Variants in SBF2 observed in about 807,000 individuals in gnomAD.
SBF2 encodes the protein myotubularin-related protein 13.
Under a neutral mutation model 225.2 loss-of-function variants are expected in SBF2, and 112 were observed. The observed-to-expected ratio is 0.50, with a 90% CI of 0.43 to 0.58. The LOEUF is 0.58. SBF2 is among the 20% of genes least tolerant of loss of function. SBF2 has a pLI of 0.00. For missense variants in SBF2, 1,996 were observed against 2,206.2 expected, an observed-to-expected ratio of 0.90 and a Z score of 1.91; for synonymous variants, 763 against 773.3, an observed-to-expected ratio of 0.99 and a Z score of 0.22.
intron 29 of SBF2, among the ~76,000 whole-genome samples, chr11:9,816,355 T>C (rs946754996): frequency 6.6e-6 from 1 of 152,192 alleles, no homozygotes; most frequent in Non-Finnish European, 1.5e-5. Context: ...TTTTAACAAG[T>C]GTTACTCAGA....
Position 9,848,032 on chromosome 11 carries a change from G to A in SBF2, c.2807-949C>T, listed in dbSNP as rs557860895. Among the ~76,000 whole-genome samples, 39 of 149,452 alleles carry A rather than the reference G, an allele frequency of 2.6e-4. 1 individual carries two copies. The East Asian group carries it at 4.1e-3, about 16-fold the overall frequency. On this transcript the variant is annotated intron_variant, in intron 22 of 39. Transcript: ENST00000256190. Reference sequence around the variant, plus strand: ...GAAAGGAAGAGCATTTTAGGCAGTGGTAGAGGAACATAACAGGAGTGGCAA... The same window carrying A: ...GAAAGGAAGAGCATTTTAGGCAGTGATAGAGGAACATAACAGGAGTGGCAA...
chr11:9,833,421 A>ATT (rs371039800), intron 26 of SBF2, among the ~76,000 whole-genome samples: 3,138 of 134,024 alleles, frequency 0.023, 56 homozygotes, highest in Non-Finnish European at 0.028. Context: ...TTTTTTGGTG[A>ATT]TTTTTTTTTT....
At chr11:9,868,742 C>T (rs941072545) in intron 17 of SBF2, among the ~76,000 whole-genome samples, 1 of 152,200 alleles carries the variant, frequency 6.6e-6, no homozygotes, top group East Asian at 1.9e-4. Context: ...TTCCATCAGT[C>T]TGACTGCATC....
At chr11:10,163,838 C>T (rs1955847964) in intron 2 of SBF2, among the ~76,000 whole-genome samples, 1 of 152,088 alleles carries the variant, frequency 6.6e-6, no homozygotes, top group South Asian at 2.1e-4. Flanking sequence ...AAATAATTTG[C>T]CCAAGGTCAC....
intron 1 of SBF2, among the ~76,000 whole-genome samples, chr11:10,275,742 C>T (rs1033108646): frequency 3.3e-5 from 5 of 151,600 alleles, no homozygotes; most frequent in Non-Finnish European, 7.4e-5. Context: ...TCTTGGGGAA[C>T]AATTCATTGT....
At chr11:10,143,574 A>G (rs933313902) in intron 2 of SBF2, among the ~76,000 whole-genome samples, 11 of 152,238 alleles carry the variant, frequency 7.2e-5, no homozygotes, top group African/African-American at 2.4e-4. Flanking sequence ...CTAAAACAGT[A>G]AATGAAGAAA....
intron 16 of SBF2, among the ~76,000 whole-genome samples, chr11:9,952,900 C>T (rs1391332777): frequency 3.9e-5 from 6 of 152,020 alleles, no homozygotes; most frequent in Non-Finnish European, 7.4e-5. Context: ...GGTGTGGATG[C>T]GGTGAACAGG....
At chr11:10,269,002 T>C (rs952217519) in intron 1 of SBF2, among the ~76,000 whole-genome samples, 2 of 152,186 alleles carry the variant, frequency 1.3e-5, no homozygotes, top group Non-Finnish European at 1.5e-5. Context: ...CCTCATTAAG[T>C]GATTTTTTTT....
intron 17 of SBF2, among the ~76,000 whole-genome samples, chr11:9,866,240 T>C (rs1050675600): frequency 6.6e-6 from 1 of 151,874 alleles, no homozygotes; most frequent in African/African-American, 2.4e-5. Flanking sequence ...AAAATTCATA[T>C]GGAAACACAT....
At chr11:9,972,494 T>C (rs914252197) in intron 13 of SBF2, among the ~76,000 whole-genome samples, 1 of 152,184 alleles carries the variant, frequency 6.6e-6, no homozygotes, top group Admixed American at 6.5e-5. Context: ...TGTTTGTTTG[T>C]TTTTGAGACA....
intron 2 of SBF2, among the ~76,000 whole-genome samples, chr11:10,071,959 T>C (rs759022759): frequency 1.2e-4 from 19 of 152,226 alleles, no homozygotes; most frequent in Non-Finnish European, 2.2e-4. Flanking sequence ...ATTCAAGTTT[T>C]TGCCGCCCAA....
intron 17 of SBF2, among the ~76,000 whole-genome samples, chr11:9,885,452 G>A (rs192479456): frequency 6.8e-4 from 103 of 151,840 alleles, no homozygotes; most frequent in African/African-American, 2.3e-3. Context: ...CGTTGCCCAC[G>A]AACAAAACTC....
chr11:10,188,869 A>C (rs1250392701), intron 2 of SBF2, among the ~76,000 whole-genome samples: 1 of 152,224 alleles, frequency 6.6e-6, no homozygotes, highest in Non-Finnish European at 1.5e-5. Flanking sequence ...TGTTGTGAAC[A>C]TAACTTTTAA....
chr11:10,150,020 CT>C (rs767989122), intron 2 of SBF2, among the ~76,000 whole-genome samples: 5 of 152,056 alleles, frequency 3.3e-5, no homozygotes, highest in Admixed American at 6.6e-5. Flanking sequence ...ATGGCCCCAC[CT>C]AATACAAGAG....
chr11:9,999,218 C>T (rs1381523216), intron 8 of SBF2, among the ~76,000 whole-genome samples: 1 of 152,096 alleles, frequency 6.6e-6, no homozygotes, highest in Non-Finnish European at 1.5e-5. Context: ...CTTGGTTTGT[C>T]CTACCTCCAG....
intron 32 of SBF2, among the ~76,000 whole-genome samples, chr11:9,806,442 G>T (rs185350172): frequency 3.9e-5 from 6 of 152,334 alleles, no homozygotes; most frequent in African/African-American, 1.2e-4. Context: ...CACCTGCCTA[G>T]AAGTGAGAAG....
chr11:9,993,264 G>A (rs1036694918), intron 10 of SBF2, among the ~76,000 whole-genome samples, 161 bp from the exon 11 acceptor site: 1 of 152,164 alleles, frequency 6.6e-6, no homozygotes, highest in African/African-American at 2.4e-5. Flanking sequence ...AAACTCTCAA[G>A]ATTGTATTTA....
At chr11:10,032,665 C>T (rs905748647) in intron 3 of SBF2, among the ~76,000 whole-genome samples, 8 of 152,198 alleles carry the variant, frequency 5.3e-5, no homozygotes, top group African/African-American at 1.2e-4. Context: ...TACTATCCAA[C>T]ATATTTATCT....
intron 32 of SBF2, among the ~76,000 whole-genome samples, chr11:9,797,066 T>C (rs774398783): frequency 7.9e-5 from 12 of 152,208 alleles, no homozygotes; most frequent in African/African-American, 2.4e-4. Context: ...CCAATCATAA[T>C]TGTACTTGCT....
Sources: allele counts gnomAD v4.1 joint callset (sites outside exome capture counted in the v4.1 genomes callset), GRCh38; gene constraint gnomAD v4.1.1; transcripts MANE v1.5; gene names NCBI Gene and HGNC (gene_info 2026-07-23, HGNC 2026-07-21).